SLC15A5: variants seen among roughly 807,000 people sequenced by gnomAD.
SLC15A5 encodes the protein solute carrier family 15 member 5, also known as Peptide/histidine transporter ENSP00000340402.
SLC15A5 carries 58 observed loss-of-function variants against 56.1 expected under a neutral mutation model. The ratio of observed to expected loss-of-function variants is 1.03; its 90% confidence interval spans 0.84 to 1.29. The LOEUF is 1.29. Ranked by LOEUF, SLC15A5 falls within the 50% of genes most tolerant of loss-of-function variation. SLC15A5 has a pLI of 0.00. For missense variants in SLC15A5, 681 were observed against 672.1 expected, an observed-to-expected ratio of 1.01 and a Z score of -0.15; for synonymous variants, 264 against 250.5, an observed-to-expected ratio of 1.05 and a Z score of -0.51.
Position 16,215,109 on chromosome 12 carries a change from A to G in SLC15A5, c.1483+1784T>C, listed in dbSNP as rs1214714103. 6.8e-5 allele frequency among the ~76,000 whole-genome samples: 10 copies of G among 147,910 alleles called. No individual in the cohort carries two copies. In the Admixed American group the frequency reaches 6.9e-4, roughly 10 times the overall value. On this transcript the variant is annotated intron_variant, in intron 7 of 8. Coordinates refer to ENST00000344941, the MANE Select transcript of SLC15A5 (RefSeq NM_001170798.1). ...TACCAGCTACGCGGGAGGCTGAGGCAGGAGAATTGCTTGAACTTGGGAGGC... is the reference window on the plus strand; with the variant it reads ...TACCAGCTACGCGGGAGGCTGAGGCGGGAGAATTGCTTGAACTTGGGAGGC...
chr12:16,189,730 T>G lies in SLC15A5; in HGVS notation c.1678A>C (p.Lys560Gln). 1.3e-6 allele frequency: 2 copies of G among 1,530,830 alleles called. No individual in the cohort carries two copies. Among genetic ancestry groups the G allele is most frequent in the South Asian group, 1.2e-5 (1 of 82,610 alleles). 94.8% of individuals were successfully genotyped at this position (1,530,830 alleles called of 1,614,324 possible). A position where few individuals can be genotyped will look rare whatever the true frequency, so the allele number is the denominator to read the frequency against. ...ETLLLHEKSL[K>Q]FYGSIQEFSS... ...AATTCCTGTATACTGCCATAAAATT[T>G]CAGAGATTTTTCGTGGAGGAGAAGT... The change falls in exon 9 of 9, where the codon AAA becomes CAA. Residue 560 changes from lysine to glutamine, a missense_variant. By Grantham distance (53) the Lys-to-Gln change is moderately conservative. Transcript: ENST00000344941.
At chr12:16,212,109 AATTAT>A (rs1308248035) in intron 7 of SLC15A5, among the ~76,000 whole-genome samples, 2 of 152,178 alleles carry the variant, frequency 1.3e-5, no homozygotes, top group Non-Finnish European at 2.9e-5. Flanking sequence ...CTAAATGTAT[AATTAT>A]AGTGTTAGTT....
chr12:16,242,142 G>A (rs1019405093), intron 4 of SLC15A5, among the ~76,000 whole-genome samples: 2 of 152,038 alleles, frequency 1.3e-5, no homozygotes, highest in Non-Finnish European at 2.9e-5. Context: ...GGTCAATAAT[G>A]GCTACTAAAT....
intron 3 of SLC15A5, among the ~76,000 whole-genome samples, chr12:16,247,582 G>T (rs1310385779): frequency 6.6e-6 from 1 of 152,136 alleles, no homozygotes; most frequent in African/African-American, 2.4e-5. Context: ...ACCTCCTAGA[G>T]AGTTGACGTA....
At chr12:16,251,549 G>A (rs897961332) in intron 3 of SLC15A5, among the ~76,000 whole-genome samples, 4 of 151,808 alleles carry the variant, frequency 2.6e-5, no homozygotes, top group South Asian at 2.1e-4. Context: ...AGAATTGTAC[G>A]CCAACAAATT....
At chr12:16,277,185 GA>G in intron 1 of SLC15A5, 139 bp downstream of exon 1, 4 of 833,766 alleles carry the variant, frequency 4.8e-6, no homozygotes, top group Middle Eastern at 5.4e-4. Context: ...TACAAAGAAT[GA>G]AATACATTGA....
At chr12:16,194,153 T>A (rs755173055) in intron 8 of SLC15A5, among the ~76,000 whole-genome samples, 192 bp downstream of exon 8, 1 of 152,096 alleles carries the variant, frequency 6.6e-6, no homozygotes, top group East Asian at 1.9e-4. Context: ...TGTAAAGTAC[T>A]ATTTTATTAT....
chr12:16,257,441 A>G (rs1864587841), intron 3 of SLC15A5, among the ~76,000 whole-genome samples: 1 of 152,154 alleles, frequency 6.6e-6, no homozygotes, highest in South Asian at 2.1e-4. Flanking sequence ...CAGGGAAAAA[A>G]GGAAGATGGG....
rs1314614696 is a variant in SLC15A5 at position 16,269,357 on chromosome 12, T to TA, written c.584+3203dup. 6.6e-6 allele frequency among the ~76,000 whole-genome samples: 1 copy of TA among 152,144 alleles called. No homozygotes were observed. The highest frequency in any genetic ancestry group is 2.4e-5 in the African/African-American group (1 of 41,422). On this transcript the variant is annotated intron_variant, in intron 2 of 8. Transcript: ENST00000344941. This position sits in a 1 kb window ranked among gnomAD's most constrained non-coding sequence, Gnocchi z 4.7. ...GTTCTCAACTCTAACTGGGCAGCTT[T>TA]AAAAAATCCTGGTCCCTGGATCCTA...
chr12:16,228,898 G>T (rs1864268879), intron 5 of SLC15A5, among the ~76,000 whole-genome samples: 1 of 152,154 alleles, frequency 6.6e-6, no homozygotes, highest in African/African-American at 2.4e-5. Context: ...AGTTAAGTTT[G>T]CAGGGGGTGA....
At position 16,240,962 on chromosome 12, in the gene SLC15A5, G is replaced by A. The variant is rs978931819; in HGVS notation, c.976-1095C>T. ...CGAGTAGCTGAGACTACAGGCGCCC[G>A]CCACCACGCCTGGCTAATTTTTCTG... On this transcript the variant is annotated intron_variant, in intron 4 of 8. Transcript: ENST00000344941. Among the ~76,000 whole-genome samples the A allele has an allele frequency of 1.3e-4, 19 of 151,888 alleles. 1 individual carries two copies. The highest frequency in any genetic ancestry group is 3.9e-4 in the African/African-American group (16 of 41,318).
chr12:16,230,760 A>G (rs1439530936), intron 5 of SLC15A5, among the ~76,000 whole-genome samples: 1 of 37,812 alleles, frequency 2.6e-5, no homozygotes, highest in Non-Finnish European at 5.8e-5. Flanking sequence ...AAAAATACAA[A>G]AAAAAAAAAA....
At chr12:16,193,830 AGAGAGAGAGAGAGAGG>A (rs1366750704) in intron 8 of SLC15A5, among the ~76,000 whole-genome samples, 4 of 97,288 alleles carry the variant, frequency 4.1e-5, no homozygotes, top group African/African-American at 1.2e-4. Flanking sequence ...AGAGAGAGAG[AGAGAGAGAGAGAGAGG>A]CTGGCAATGG....
At chr12:16,197,743 T>A (rs1235899382) in intron 7 of SLC15A5, among the ~76,000 whole-genome samples, 1 of 127,438 alleles carries the variant, frequency 7.8e-6, no homozygotes, top group African/African-American at 3.0e-5. Context: ...TTCTTCATGT[T>A]CTGTATGCCT....
Position 16,207,199 on chromosome 12 carries a change from G to A in SLC15A5, c.1483+9694C>T, listed in dbSNP as rs573525424. ...ATCTAGCAGTGCTTGCACATAGTAG[G>A]AAACCAATATGTATTTGCAACTGAA... is the stretch of plus-strand genomic sequence containing the variant. On this transcript the variant is annotated intron_variant, in intron 7 of 8. Coordinates refer to ENST00000344941, the MANE Select transcript of SLC15A5 (RefSeq NM_001170798.1). Among the ~76,000 whole-genome samples the A allele has an allele frequency of 6.6e-5, 10 of 152,190 alleles. No individual in the cohort carries two copies. The South Asian group carries it at 1.2e-3, about 19-fold the overall frequency.
intron 4 of SLC15A5, among the ~76,000 whole-genome samples, chr12:16,242,376 AACC>A (rs879452446): frequency 0.48 from 73,184 of 151,730 alleles, 17,867 homozygotes; most frequent in Middle Eastern, 0.54. Flanking sequence ...AGGGACTTTT[AACC>A]CAATGCAAGA....
chr12:16,274,219 A>G (rs1864791896), intron 1 of SLC15A5, among the ~76,000 whole-genome samples: 1 of 151,984 alleles, frequency 6.6e-6, no homozygotes, highest in Non-Finnish European at 1.5e-5. Flanking sequence ...AGGCATTCCT[A>G]TTTTTATTGC....
intron 5 of SLC15A5, among the ~76,000 whole-genome samples, chr12:16,233,765 G>A (rs548859195): frequency 3.3e-5 from 5 of 152,190 alleles, no homozygotes; most frequent in African/African-American, 1.2e-4. Flanking sequence ...GTATCACCTG[G>A]GGGCTTGTTA....
At position 16,276,101 on chromosome 12, in the gene SLC15A5, G is replaced by C. The variant is rs895793320; in HGVS notation, c.361+1224C>G. Among the ~76,000 whole-genome samples, 4 of 151,956 alleles carry C rather than the reference G, an allele frequency of 2.6e-5. 1 individual carries two copies. Among genetic ancestry groups the C allele is most frequent in the East Asian group, 1.9e-4 (1 of 5,176 alleles). ...CTTCTCTATTGCATTTCCAGACCCA[G>C]AATAATGTCTGGTACAGAGTAGTCA... is the stretch of plus-strand genomic sequence containing the variant. On this transcript the variant is annotated intron_variant, in intron 1 of 8. Transcript: ENST00000344941.
Sources: gnomAD v4.1 joint callset for allele counts (sites outside exome capture counted in the v4.1 genomes callset) on GRCh38, gnomAD v4.1.1 for gene constraint, Gnocchi (gnomAD v3.1) non-coding constraint, MANE v1.5 for transcripts, NCBI Gene and HGNC (gene_info 2026-07-23, HGNC 2026-07-21) for gene names.